Variants in MAP4K5 observed in about 807,000 individuals in gnomAD.
The protein encoded by MAP4K5 is mitogen-activated protein kinase kinase kinase kinase 5, also known as MAPK/ERK kinase kinase kinase 5.
Under a neutral mutation model 135.6 loss-of-function variants are expected in MAP4K5, and 82 were observed. The observed-to-expected ratio is 0.60, with a 90% CI of 0.51 to 0.73. The LOEUF is 0.73. Among genes scored for constraint, MAP4K5 ranks in the 30% least tolerant of loss-of-function variants. The pLI, the probability that MAP4K5 is intolerant of heterozygous loss-of-function variation, is 0.00. For synonymous variants in MAP4K5, 347 were observed against 335.0 expected (o/e 1.04, Z -0.39); for missense variants, 907 against 1,010.9 (o/e 0.90, Z 1.39).
intron 2 of MAP4K5, among the ~76,000 whole-genome samples, chr14:50,539,718 A>G (rs1376162531): frequency 2.0e-5 from 3 of 152,248 alleles, no homozygotes; most frequent in Non-Finnish European, 4.4e-5. Flanking sequence ...AGGAGAGCTT[A>G]TACAATGAAG....
At chr14:50,466,027 T>C (rs1444647048) in intron 11 of MAP4K5, among the ~76,000 whole-genome samples, 4 of 152,044 alleles carry the variant, frequency 2.6e-5, no homozygotes, top group East Asian at 1.9e-4. Context: ...TGAGCCGAGA[T>C]TGCGCCACTG....
At chr14:50,544,023 C>G (rs1225111727) in intron 1 of MAP4K5, among the ~76,000 whole-genome samples, 3 of 152,180 alleles carry the variant, frequency 2.0e-5, no homozygotes, top group Non-Finnish European at 4.4e-5. Flanking sequence ...GTGATTGATT[C>G]TAACTACCAT....
At chr14:50,544,860 C>T (rs2038608782) in intron 1 of MAP4K5, among the ~76,000 whole-genome samples, 1 of 148,270 alleles carries the variant, frequency 6.7e-6, no homozygotes. Context: ...TTGCATGAGC[C>T]TGGGAGATGG....
chr14:50,423,250 G>C, intron 31 of MAP4K5, 74 bp from the exon 32 acceptor site: 1 of 629,912 alleles, frequency 1.6e-6, no homozygotes, highest in Non-Finnish European at 2.8e-6. Context: ...AATTAATTTA[G>C]AGCAATTATT....
In MAP4K5 at chr14:50,440,039, A is replaced by G. The variant is rs1243841244; in HGVS notation, c.1679T>C (p.Ile560Thr). ...TGATAATGACATTAAAGTATTATTG[A>G]TAACATACAGCCAAGTACACTTCCG... ...FPRKCTWLYV[I>T]NNTLMSLSEG... The change falls in exon 23 of 33, where the codon ATC (isoleucine) becomes ACC (threonine). Residue 560 changes from isoleucine (I) to threonine (T), a missense_variant. By Grantham distance (89) the Ile-to-Thr change is moderately conservative. Around this residue, in one of 3 missense-constraint regions of MAP4K5, gnomAD observed 690 missense variants for 777.4 expected, o/e 0.89. Coordinates refer to ENST00000682126, the MANE Select transcript of MAP4K5 (RefSeq NM_006575.6). The G allele has an allele frequency of 6.4e-7, 1 of 1,553,922 alleles. No individual in the cohort carries two copies. The highest frequency in any genetic ancestry group is 1.8e-5 in the Admixed American group (1 of 55,098).
intron 12 of MAP4K5, among the ~76,000 whole-genome samples, chr14:50,463,092 T>C (rs1040541838): frequency 1.3e-5 from 2 of 152,312 alleles, no homozygotes; most frequent in African/African-American, 4.8e-5. Flanking sequence ...CTCATATCAC[T>C]ATACTGATGC....
intron 8 of MAP4K5, among the ~76,000 whole-genome samples, chr14:50,475,590 C>T (rs913913288): frequency 9.2e-5 from 14 of 151,714 alleles, no homozygotes; most frequent in African/African-American, 3.4e-4. Flanking sequence ...TATTGTAATC[C>T]CTGCTACTTG....
At chr14:50,443,220 T>C (rs969521801) in intron 20 of MAP4K5, among the ~76,000 whole-genome samples, 2 of 152,188 alleles carry the variant, frequency 1.3e-5, no homozygotes, top group Non-Finnish European at 2.9e-5. Flanking sequence ...TTGATATTTA[T>C]ATTATACATT....
chr14:50,465,966 C>T (rs1387880945), intron 11 of MAP4K5, among the ~76,000 whole-genome samples: 3 of 151,934 alleles, frequency 2.0e-5, no homozygotes, highest in East Asian at 1.9e-4. Context: ...CCCAGCTACT[C>T]GGGAGGCCGA....
At chr14:50,516,319 A>C (rs1301382718) in intron 2 of MAP4K5, among the ~76,000 whole-genome samples, 1 of 152,154 alleles carries the variant, frequency 6.6e-6, no homozygotes, top group East Asian at 1.9e-4. Flanking sequence ...TGGCGGGGAG[A>C]GGGATACAGA....
At chr14:50,460,372 G>A (rs1002518816) in intron 13 of MAP4K5, among the ~76,000 whole-genome samples, 4 of 152,094 alleles carry the variant, frequency 2.6e-5, no homozygotes, top group African/African-American at 9.7e-5. Flanking sequence ...GAAAAGTATG[G>A]TGACATCATT....
chr14:50,537,514 A>G (rs2038509879), upstream of MAP4K5, among the ~76,000 whole-genome samples: 2 of 152,216 alleles, frequency 1.3e-5, no homozygotes, highest in Non-Finnish European at 2.9e-5. Flanking sequence ...TCCAGATCAC[A>G]GAATGGTGGA....
upstream of MAP4K5, among the ~76,000 whole-genome samples, chr14:50,537,287 A>G (rs950429666): frequency 3.9e-5 from 6 of 152,174 alleles, no homozygotes; most frequent in African/African-American, 1.4e-4. Context: ...CTTCTAGTAC[A>G]CAGAAGTCAA....
At chr14:50,471,817 C>A (rs1346780656) in intron 9 of MAP4K5, 6 of 152,078 alleles carry the variant, frequency 3.9e-5, no homozygotes, top group African/African-American at 1.4e-4. Flanking sequence ...TAGACAGAAA[C>A]CCTATAAATG....
intron 1 of MAP4K5, chr14:50,559,374 C>T (rs1023668633): frequency 1.3e-5 from 2 of 152,140 alleles, no homozygotes; most frequent in Non-Finnish European, 2.9e-5. Context: ...CTGAAAACAA[C>T]TAAGTTTGTA....
At chr14:50,506,187 G>C (rs530749661) in intron 2 of MAP4K5, among the ~76,000 whole-genome samples, 36 of 152,170 alleles carry the variant, frequency 2.4e-4, no homozygotes, top group African/African-American at 7.2e-4. Context: ...ATTTTCTGAG[G>C]AAAGAAGAGA....
chr14:50,508,173 T>C (rs1472983808), intron 2 of MAP4K5, among the ~76,000 whole-genome samples: 2 of 152,196 alleles, frequency 1.3e-5, no homozygotes, highest in Non-Finnish European at 1.5e-5. Flanking sequence ...TTGCAACCCC[T>C]GCTTTTTTTT....
chr14:50,555,235 A>G (rs148949633), intron 1 of MAP4K5, among the ~76,000 whole-genome samples: 70 of 151,870 alleles, frequency 4.6e-4, no homozygotes, highest in African/African-American at 1.6e-3. Context: ...AAGATGGAAG[A>G]AGGCATGAAG....
chr14:50,521,683 C>T (rs1018900831), intron 2 of MAP4K5, among the ~76,000 whole-genome samples: 25 of 152,178 alleles, frequency 1.6e-4, no homozygotes, highest in African/African-American at 5.8e-4. Flanking sequence ...CAGTATGACT[C>T]ACTAGCCCAA....
Sources: allele counts gnomAD v4.1 joint callset (sites outside exome capture counted in the v4.1 genomes callset), GRCh38; gene constraint gnomAD v4.1.1; regional missense constraint gnomAD v4.1.1; transcripts MANE v1.5; gene names NCBI Gene and HGNC (gene_info 2026-07-23, HGNC 2026-07-21).